The following GTF2IRD1 variants were observed in gnomAD, a reference collection of about 807,000 sequenced individuals.
GTF2IRD1 encodes the protein general transcription factor II-I repeat domain-containing protein 1.
GTF2IRD1 carries 26 observed loss-of-function variants against 113.2 expected under a neutral mutation model. That is an observed-to-expected ratio of 0.23 (90% confidence interval 0.17 to 0.32). GTF2IRD1 has a LOEUF of 0.32. Ranked by LOEUF, GTF2IRD1 falls within the 10% of genes least tolerant of loss-of-function variation. The probability of loss-of-function intolerance (pLI) is 1.00; values close to 1 mark genes in which losing one functional copy is unlikely to be tolerated. For missense variants in GTF2IRD1, 864 were observed against 1,280.8 expected, an observed-to-expected ratio of 0.67 and a Z score of 4.97; for synonymous variants, 484 against 529.1, an observed-to-expected ratio of 0.91 and a Z score of 1.17.
intron 1 of GTF2IRD1, among the ~76,000 whole-genome samples, chr7:74,488,528 C>T (rs1057055379): frequency 4.0e-5 from 6 of 150,962 alleles, no homozygotes; most frequent in Non-Finnish European, 5.9e-5. Context: ...GAGGCCAAGG[C>T]AGGAGGATTG....
chr7:74,536,927 A>G (rs1466205211), intron 11 of GTF2IRD1, among the ~76,000 whole-genome samples: 1 of 152,046 alleles, frequency 6.6e-6, no homozygotes, highest in African/African-American at 2.4e-5. Context: ...CTTGGGCAAC[A>G]TAGTGAGACC....
chr7:74,533,992 G>A (rs1351793441), intron 9 of GTF2IRD1, among the ~76,000 whole-genome samples: 2 of 150,836 alleles, frequency 1.3e-5, no homozygotes, highest in African/African-American at 4.9e-5. Flanking sequence ...TTGCACCACT[G>A]CACTCCAGCC....
Position 74,518,126 on chromosome 7 carries a change from C to T in GTF2IRD1, c.422-13C>T. 1 of 1,525,302 alleles carries T rather than the reference C, an allele frequency of 6.6e-7. No individual in the cohort carries two copies. The highest frequency in any genetic ancestry group is 8.8e-7 in the Non-Finnish European group (1 of 1,132,812). 94.5% of individuals were successfully genotyped at this position (1,525,302 alleles called of 1,614,324 possible). ...TCTCATACCAGGCCCCTCTCCTGGA[C>T]TCTCCCCTACAGGCGAGGCCCTGGG... On this transcript the variant is annotated splice_polypyrimidine_tract_variant and intron_variant, in intron 4 of 26. Coordinates refer to ENST00000424337, the MANE Select transcript of GTF2IRD1 (RefSeq NM_005685.4).
chr7:74,591,259 T>C (rs587665013), intron 24 of GTF2IRD1, among the ~76,000 whole-genome samples: 56 of 152,018 alleles, frequency 3.7e-4, no homozygotes, highest in African/African-American at 1.3e-3. Context: ...TAAATTTGAC[T>C]TTTTCTGACT....
At chr7:74,517,171 C>G (rs2107744) in intron 4 of GTF2IRD1, among the ~76,000 whole-genome samples, 37,870 of 151,224 alleles carry the variant, frequency 0.25, 5,773 homozygotes, top group African/African-American at 0.43. Flanking sequence ...TTACAGGCAC[C>G]TGCCACCACA....
chr7:74,509,527 C>T (rs1034963478), intron 2 of GTF2IRD1, among the ~76,000 whole-genome samples: 1 of 151,854 alleles, frequency 6.6e-6, no homozygotes, highest in Admixed American at 6.6e-5. Flanking sequence ...AGGAGACTCT[C>T]TCAATTAAAA....
At chr7:74,525,301 C>T (rs1473147915) in intron 8 of GTF2IRD1, among the ~76,000 whole-genome samples, 1 of 152,040 alleles carries the variant, frequency 6.6e-6, no homozygotes, top group Non-Finnish European at 1.5e-5. Context: ...GCCTGGGTAC[C>T]CTGATGGTTC....
At chr7:74,596,955 A>G (rs1554372492) in intron 25 of GTF2IRD1, among the ~76,000 whole-genome samples, 1 of 152,100 alleles carries the variant, frequency 6.6e-6, no homozygotes, top group African/African-American at 2.4e-5. Flanking sequence ...CAGGAGGCTG[A>G]GGCTGGAGGA....
rs1436030500 is a variant in GTF2IRD1 at position 74,454,016 on chromosome 7, G to C, written c.-167G>C. On this transcript the variant is annotated 5_prime_UTR_variant, in exon 1 of 27. Transcript: ENST00000424337. ...TTCCCCCCCCGCGCCCCCTCCCCGC[G>C]CCTCCCTCCCCGCCCTCGCCGCGCC... is the stretch of plus-strand genomic sequence containing the variant. The C allele has an allele frequency of 6.9e-6, 1 of 144,594 alleles. No homozygotes were observed. The highest frequency in any genetic ancestry group is 1.5e-5 in the Non-Finnish European group (1 of 65,222). The allele number at this position is 144,594 out of a possible 1,614,324, so 9.0% of individuals were successfully genotyped here.
chr7:74,482,843 CTGATGCCTTTTCCAATAGACGGG>C (rs1158508888), intron 1 of GTF2IRD1, among the ~76,000 whole-genome samples: 1 of 152,200 alleles, frequency 6.6e-6, no homozygotes, highest in Non-Finnish European at 1.5e-5. Flanking sequence ...GCTCATACGT[CTGATGCCTTTTCCAATAGACGGG>C]GCACCCAGGA....
At chr7:74,467,080 C>G (rs909285033) in intron 1 of GTF2IRD1, among the ~76,000 whole-genome samples, 11 of 151,870 alleles carry the variant, frequency 7.2e-5, no homozygotes, top group Non-Finnish European at 1.3e-4. Context: ...TCCCCAGTAG[C>G]TGGGACCACA....
At chr7:74,462,724 C>T (rs1030213822) in intron 1 of GTF2IRD1, among the ~76,000 whole-genome samples, 3 of 152,220 alleles carry the variant, frequency 2.0e-5, no homozygotes, top group African/African-American at 7.2e-5. Context: ...ACCCACCCCC[C>T]ACATCAAGAG....
At chr7:74,590,675 G>GC in intron 23 of GTF2IRD1, 150 bp from the exon 24 acceptor site, 2 of 486,906 alleles carry the variant, frequency 4.1e-6, no homozygotes, top group South Asian at 8.7e-5. Context: ...ACAGGCGTGA[G>GC]CCACTGCGCC....
intron 22 of GTF2IRD1, among the ~76,000 whole-genome samples, chr7:74,566,037 A>ACACACACC (rs1491121434): frequency 6.6e-5 from 10 of 150,908 alleles, no homozygotes; most frequent in African/African-American, 2.0e-4. Context: ...ACACACACAC[A>ACACACACC]CCCTAAAGAG....
chr7:74,551,702 C>T (rs1442056225), intron 17 of GTF2IRD1, among the ~76,000 whole-genome samples: 17 of 152,114 alleles, frequency 1.1e-4, no homozygotes, highest in African/African-American at 4.1e-4. Context: ...CTTTGGGAGG[C>T]TGAGGCAGGC....
intron 1 of GTF2IRD1, among the ~76,000 whole-genome samples, chr7:74,479,738 A>T (rs1013378035): frequency 8.7e-5 from 13 of 149,678 alleles, no homozygotes; most frequent in Non-Finnish European, 1.6e-4. Context: ...AGTAAAGTAC[A>T]TGAGTACATG....
chr7:74,544,179 GTTTT>G (rs587714877), intron 14 of GTF2IRD1, among the ~76,000 whole-genome samples: 1 of 152,098 alleles, frequency 6.6e-6, no homozygotes, highest in Non-Finnish European at 1.5e-5. Context: ...TCACCTGGAA[GTTTT>G]TTTGTTTGTT....
intron 1 of GTF2IRD1, among the ~76,000 whole-genome samples, chr7:74,483,974 G>A (rs1554335136): frequency 6.6e-6 from 1 of 152,188 alleles, no homozygotes; most frequent in African/African-American, 2.4e-5. Context: ...GTGGAAGGAA[G>A]GAGCCGTGTA....
chr7:74,578,015 G>C (rs587672902), intron 22 of GTF2IRD1, among the ~76,000 whole-genome samples: 9 of 152,116 alleles, frequency 5.9e-5, no homozygotes, highest in Admixed American at 2.6e-4. Context: ...TGTTACCCAA[G>C]GCTGGTCTCC....
Sources: gnomAD v4.1 joint callset for allele counts (sites outside exome capture counted in the v4.1 genomes callset) on GRCh38, gnomAD v4.1.1 for gene constraint, MANE v1.5 for transcripts, NCBI Gene and HGNC (gene_info 2026-07-23, HGNC 2026-07-21) for gene names.